The following ZFYVE28 variants were observed in gnomAD, a reference collection of about 807,000 sequenced individuals.
ZFYVE28 encodes zinc finger FYVE-type containing 28, also known as lateral signaling target protein 2 homolog.
ZFYVE28 carries 40 observed loss-of-function variants against 82.1 expected under a neutral mutation model. The ratio of observed to expected loss-of-function variants is 0.49; its 90% confidence interval spans 0.38 to 0.63. The LOEUF is 0.63. Ranked by LOEUF, ZFYVE28 falls within the 30% of genes least tolerant of loss-of-function variation. The probability of loss-of-function intolerance (pLI) is 0.00; values close to 1 mark genes in which losing one functional copy is unlikely to be tolerated. For synonymous variants in ZFYVE28, 612 were observed against 546.1 expected, an observed-to-expected ratio of 1.12 and a Z score of -1.68; for missense variants, 1,321 against 1,242.1, an observed-to-expected ratio of 1.06 and a Z score of -0.96.
chr4:2,379,025 A>T (rs1224834415), intron 1 of ZFYVE28, among the ~76,000 whole-genome samples: 1 of 152,134 alleles, frequency 6.6e-6, no homozygotes, highest in Non-Finnish European at 1.5e-5. Flanking sequence ...CATCCTGGTG[A>T]GCCACTGGGA....
chr4:2,369,937 G>A (rs3128811), intron 1 of ZFYVE28, among the ~76,000 whole-genome samples: 96,055 of 143,056 alleles, frequency 0.67, 32,329 homozygotes, highest in East Asian at 0.8. Context: ...TGCAACCTCC[G>A]CCTCCCGGGT....
chr4:2,329,523 G>A (rs1315089439), intron 6 of ZFYVE28, among the ~76,000 whole-genome samples: 3 of 152,170 alleles, frequency 2.0e-5, no homozygotes, highest in Non-Finnish European at 4.4e-5. Context: ...TCACAAAAGG[G>A]TAAATCCTAT....
At chr4:2,400,505 G>A (rs550351629) in intron 1 of ZFYVE28, among the ~76,000 whole-genome samples, 107 of 152,118 alleles carry the variant, frequency 7.0e-4, no homozygotes, top group Middle Eastern at 3.4e-3. Flanking sequence ...CAGACATCCC[G>A]GTTTGCCTGG....
intron 6 of ZFYVE28, among the ~76,000 whole-genome samples, chr4:2,324,286 C>T (rs923566348): frequency 2.6e-5 from 4 of 152,198 alleles, no homozygotes; most frequent in Admixed American, 6.5e-5. Flanking sequence ...GGCCCACCCA[C>T]ATCACGGAGG....
rs1244468062 is a variant in ZFYVE28 at position 2,409,801 on chromosome 4, C to A, written c.39+8484G>T. Among the ~76,000 whole-genome samples the A allele has an allele frequency of 6.6e-6, 1 of 152,262 alleles. No homozygotes were observed. Among genetic ancestry groups the A allele is most frequent in the Admixed American group, 6.5e-5 (1 of 15,288 alleles). ...ATCCCAGACACAGAACTCCTTCACG[C>A]TGTCTTCTGGAAGCCCCAGGACAAG... On this transcript the variant is annotated intron_variant, in intron 1 of 12. Coordinates refer to ENST00000290974, the MANE Select transcript of ZFYVE28 (RefSeq NM_020972.3). This position sits in a 1 kb window ranked among gnomAD's most constrained non-coding sequence, Gnocchi z 4.4.
chr4:2,354,678 C>T (rs989932554), intron 1 of ZFYVE28, among the ~76,000 whole-genome samples: 5 of 151,980 alleles, frequency 3.3e-5, no homozygotes, highest in Non-Finnish European at 5.9e-5. Context: ...AGGCTAGTCT[C>T]GAACTCCTGA....
At chr4:2,385,764 A>C (rs1410051425) in intron 1 of ZFYVE28, among the ~76,000 whole-genome samples, 1 of 152,158 alleles carries the variant, frequency 6.6e-6, no homozygotes, top group African/African-American at 2.4e-5. Flanking sequence ...CCAGGCTTTC[A>C]CAAGGCGGGA....
rs1733041764 is a variant in ZFYVE28, at chr4:2,416,413, G to A, written c.39+1872C>T. On this transcript the variant is annotated intron_variant, in intron 1 of 12. Coordinates refer to ENST00000290974, the MANE Select transcript of ZFYVE28 (RefSeq NM_020972.3). The surrounding 1 kb of genome is among the most constrained non-coding windows in gnomAD (Gnocchi z 4.6). Reference sequence around the variant, plus strand: ...CCAGCAAGTGCCTTCAGCGACACCAGAATGTTAGTTAAGACCTAAGACACA... The same window carrying A: ...CCAGCAAGTGCCTTCAGCGACACCAAAATGTTAGTTAAGACCTAAGACACA... Among the ~76,000 whole-genome samples the A allele has an allele frequency of 6.6e-6, 1 of 152,224 alleles. No individual in the cohort carries two copies. The highest frequency in any genetic ancestry group is 2.4e-5 in the African/African-American group (1 of 41,444).
chr4:2,339,731 G>T lies in ZFYVE28; in HGVS notation c.319-76C>A. On this transcript the variant is annotated intron_variant, in intron 3 of 12. Coordinates refer to ENST00000290974, the MANE Select transcript of ZFYVE28 (RefSeq NM_020972.3). This position sits in a 1 kb window ranked among gnomAD's most constrained non-coding sequence, Gnocchi z 5.0. ...CAGGGGTCGCCGACCCGGGGAACCT[G>T]ACTGCGCACCTCGGGGCCCCTCTTC... 7.0e-7 allele frequency: 1 copy of T among 1,422,414 alleles called. No individual in the cohort carries two copies. The highest frequency in any genetic ancestry group is 1.3e-5 in the South Asian group (1 of 74,452). The allele number at this position is 1,422,414 out of a possible 1,614,324, so 88.1% of individuals were successfully genotyped here.
intron 1 of ZFYVE28, among the ~76,000 whole-genome samples, chr4:2,379,546 C>T (rs1361255846): frequency 1.3e-5 from 2 of 152,140 alleles, no homozygotes; most frequent in African/African-American, 2.4e-5. Context: ...GACGACAAAT[C>T]GCCCCCATCT....
intron 7 of ZFYVE28, among the ~76,000 whole-genome samples, chr4:2,310,358 T>A (rs972652374): frequency 6.6e-6 from 1 of 152,220 alleles, no homozygotes; most frequent in Non-Finnish European, 1.5e-5. Context: ...TTGGTCATGA[T>A]ATATCTTATT....
At chr4:2,368,961 A>G (rs533743841) in intron 1 of ZFYVE28, among the ~76,000 whole-genome samples, 13 of 152,086 alleles carry the variant, frequency 8.5e-5, no homozygotes, top group East Asian at 3.9e-4. Context: ...TGATTTCCCT[A>G]TGTCTTCGCC....
intron 2 of ZFYVE28, among the ~76,000 whole-genome samples, chr4:2,351,028 C>G (rs1724347570): frequency 6.6e-6 from 1 of 152,178 alleles, no homozygotes; most frequent in South Asian, 2.1e-4. Flanking sequence ...ATTTATCCAA[C>G]CCAGAAGGGG....
chr4:2,383,584 A>G (rs1728948351), intron 1 of ZFYVE28, among the ~76,000 whole-genome samples: 1 of 152,152 alleles, frequency 6.6e-6, no homozygotes, highest in Non-Finnish European at 1.5e-5. Context: ...GACCTGGGGA[A>G]TCAAATGCTG....
Position 2,334,507 on chromosome 4 carries a change from C to T in ZFYVE28, c.701+1198G>A, listed in dbSNP as rs552664403. On this transcript the variant is annotated intron_variant, in intron 6 of 12. Transcript: ENST00000290974. ...TTCCCACGGGAGGGGTATCCATGCT[C>T]AACCCCAGTGCACTGCCACGTGTGC... 3.9e-5 allele frequency among the ~76,000 whole-genome samples: 6 copies of T among 152,132 alleles called. No individual in the cohort carries two copies. In the East Asian group the frequency reaches 1.2e-3, roughly 29 times the overall value.
At chr4:2,404,043 G>A (rs1010786541) in intron 1 of ZFYVE28, among the ~76,000 whole-genome samples, 7 of 151,190 alleles carry the variant, frequency 4.6e-5, no homozygotes, top group Non-Finnish European at 7.4e-5. Flanking sequence ...AAGATGGGCC[G>A]GGCATGGTGG....
At chr4:2,281,446 G>A (rs1274827018) in intron 8 of ZFYVE28, among the ~76,000 whole-genome samples, 1 of 152,160 alleles carries the variant, frequency 6.6e-6, no homozygotes, top group Non-Finnish European at 1.5e-5. Context: ...AGCCCAAGGT[G>A]GAGGGGCCCC....
chr4:2,322,131 G>T (rs1246860143), intron 6 of ZFYVE28, among the ~76,000 whole-genome samples: 1 of 152,228 alleles, frequency 6.6e-6, no homozygotes, highest in African/African-American at 2.4e-5. Flanking sequence ...CTCTGCAGGT[G>T]CCCGAACGAC....
In ZFYVE28 at chr4:2,305,803, G is replaced by A. The variant is rs557030214; in HGVS notation, c.804-267C>T. Among the ~76,000 whole-genome samples, 12 of 152,332 alleles carry A rather than the reference G, an allele frequency of 7.9e-5. 1 individual carries two copies. In the South Asian group the frequency reaches 1.7e-3, roughly 21 times the overall value. On this transcript the variant is annotated intron_variant, in intron 7 of 12. Transcript: ENST00000290974. ...TTAAAACAAGATTCTGGAAACTTTTGCTGAAAAGAAGAAAGCCCTAATTGT... is the reference window on the plus strand; with the variant it reads ...TTAAAACAAGATTCTGGAAACTTTTACTGAAAAGAAGAAAGCCCTAATTGT...
Sources: allele counts gnomAD v4.1 joint callset (sites outside exome capture counted in the v4.1 genomes callset), GRCh38; gene constraint gnomAD v4.1.1; non-coding constraint Gnocchi (gnomAD v3.1); transcripts MANE v1.5; gene names NCBI Gene and HGNC (gene_info 2026-07-23, HGNC 2026-07-21).